The following SDAD1 variants were observed in gnomAD, a reference collection of about 807,000 sequenced individuals.
SDAD1 encodes the protein SDA1 domain containing 1.
SDAD1 carries 79 observed loss-of-function variants against 100.3 expected under a neutral mutation model. The ratio of observed to expected loss-of-function variants is 0.79; its 90% CI spans 0.66 to 0.95. The LOEUF (loss-of-function observed/expected upper bound fraction) is 0.95. Ranked by LOEUF, SDAD1 falls within the 40% of genes least tolerant of loss-of-function variation. SDAD1 has a pLI of 0.00. For synonymous variants in SDAD1, 267 were observed against 271.4 expected (o/e 0.98, Z 0.16); for missense variants, 790 against 810.9 (o/e 0.97, Z 0.31).
chr4:75,981,860 T>G, intron 2 of SDAD1, 73 bp downstream of exon 2: 1 of 1,047,228 alleles, frequency 9.5e-7, no homozygotes, highest in Non-Finnish European at 1.4e-6. Flanking sequence ...GGAATAAGGT[T>G]GAGTATTAGT....
At chr4:75,984,613 T>C (rs1396725200) in intron 1 of SDAD1, among the ~76,000 whole-genome samples, 2 of 152,164 alleles carry the variant, frequency 1.3e-5, no homozygotes, top group Admixed American at 1.3e-4. Context: ...AAGCTCCTTA[T>C]GCACATCAAC....
chr4:75,983,032 G>A (rs890138892), intron 1 of SDAD1, among the ~76,000 whole-genome samples: 1 of 151,914 alleles, frequency 6.6e-6, no homozygotes, highest in African/African-American at 2.4e-5. Flanking sequence ...TTATGAGTGA[G>A]AACATGCGGT....
chr4:75,964,084 A>G (rs1186174236), intron 14 of SDAD1, 51 bp downstream of exon 14: 2 of 1,192,822 alleles, frequency 1.7e-6, no homozygotes, highest in South Asian at 2.5e-5. Context: ...CTTATAGCAA[A>G]TCTAGTCCAT....
At chr4:75,988,511 A>G (rs1042749669) in intron 1 of SDAD1, among the ~76,000 whole-genome samples, 1 of 152,056 alleles carries the variant, frequency 6.6e-6, no homozygotes, top group Non-Finnish European at 1.5e-5. Context: ...TGCAATACCC[A>G]TCTCACCCCC....
At chr4:75,957,250 G>A (rs1728948521) in intron 20 of SDAD1, 75 bp downstream of exon 20, 2 of 1,222,618 alleles carry the variant, frequency 1.6e-6, no homozygotes, top group Non-Finnish European at 2.4e-6. Flanking sequence ...CCATTCTGTG[G>A]CTATACAAGT....
chr4:75,985,651 C>T (rs1730846729), intron 1 of SDAD1, among the ~76,000 whole-genome samples: 2 of 152,152 alleles, frequency 1.3e-5, no homozygotes, highest in Admixed American at 1.3e-4. Context: ...GGAGGGTCTT[C>T]CCAATACTCT....
chr4:75,967,374 C>CA (rs756645854), intron 11 of SDAD1, 40 bp from the exon 12 acceptor site: 1 of 1,552,444 alleles, frequency 6.4e-7, no homozygotes, highest in Non-Finnish European at 8.9e-7. Flanking sequence ...ATGCAGCTGA[C>CA]ACTATGGAGT....
At chr4:75,974,240 A>T (rs780923749) in intron 6 of SDAD1, 107 bp from the exon 7 acceptor site, 55 of 867,356 alleles carry the variant, frequency 6.3e-5, no homozygotes, top group Non-Finnish European at 9.6e-5. Flanking sequence ...GTGACGTACT[A>T]GAATTCCCAG....
In SDAD1 at chr4:75,981,354, T is replaced by C. The variant is rs1317927516; in HGVS notation, c.294+18A>G. 4 of 1,611,820 alleles carry C rather than the reference T, an allele frequency of 2.5e-6. No individual in the cohort carries two copies. The highest frequency in any genetic ancestry group is 3.4e-6 in the Non-Finnish European group (4 of 1,178,088). The stretch of plus-strand genomic sequence containing the variant: ...ACATGAACACAGCACAATTTATTCA[T>C]CCAACTACTGGTCCTACCATTCGCA... On this transcript the variant is annotated intron_variant, in intron 3 of 21. Transcript: ENST00000356260.
chr4:75,965,695 C>T (rs2149316343), intron 13 of SDAD1, 69 bp downstream of exon 13: 1 of 1,303,400 alleles, frequency 7.7e-7, no homozygotes, highest in Non-Finnish European at 1.1e-6. Context: ...CCCCGATAGA[C>T]CCTGAAGTAC....
intron 21 of SDAD1, among the ~76,000 whole-genome samples, chr4:75,954,732 CT>C (rs764525266): frequency 1.3e-5 from 2 of 152,214 alleles, no homozygotes; most frequent in East Asian, 3.9e-4. Context: ...ACATGATGTG[CT>C]TCCCCCTGCA....
intron 13 of SDAD1, among the ~76,000 whole-genome samples, chr4:75,965,232 C>T (rs912104085): frequency 6.6e-6 from 1 of 152,082 alleles, no homozygotes; most frequent in Non-Finnish European, 1.5e-5. Flanking sequence ...TGAAATAAGC[C>T]CCGGTCTCCC....
intron 8 of SDAD1, 66 bp downstream of exon 8, chr4:75,973,251 C>A: frequency 7.5e-7 from 1 of 1,325,534 alleles, no homozygotes; most frequent in Non-Finnish European, 1.1e-6. Flanking sequence ...CAGTCATAGA[C>A]TTTACAATGT....
rs570479713 is a variant in SDAD1, at chr4:75,967,321, T to C, written c.1001A>G (p.Asn334Ser). The change falls in exon 12 of 22, where the codon AAT becomes AGT. Residue 334 changes from asparagine to serine, a missense_variant. Physicochemically the swap from Asn to Ser is conservative, Grantham distance 46. Transcript: ENST00000356260. ...AAACCTTTGCAAAAAGGGATAGAAA[T>C]TGAAGAGGAAAAGCTGTGGAGAGAA... ...LVGIHELFLF[N>S]FYPFLQRFLQ... 6.5e-5 allele frequency: 105 copies of C among 1,613,998 alleles called. 1 individual carries two copies. In the Middle Eastern group the frequency reaches 2.5e-3, roughly 38 times the overall value.
intron 14 of SDAD1, among the ~76,000 whole-genome samples, chr4:75,962,074 G>T (rs1431577508): frequency 6.6e-6 from 1 of 152,110 alleles, no homozygotes; most frequent in Non-Finnish European, 1.5e-5. Context: ...ACAGGCCCCG[G>T]TGTGTGATGT....
At position 75,973,372 on chromosome 4, in the gene SDAD1, G is replaced by A; in HGVS notation, c.656C>T (p.Thr219Ile). The change falls in exon 8 of 22, where the codon ACA becomes ATA. Residue 219 changes from threonine (T) to isoleucine (I), a missense_variant. Physicochemically the swap from Thr to Ile is moderately conservative, Grantham distance 89. Transcript: ENST00000356260. ...KVTKILVAAL[T>I]FFLGKDEDEK... ...ATCTTCATCTTTCCCAAGAAAGAATGTCAAAGCGGCAACTAATATCTAAAC... is the reference window on the plus strand; with the variant it reads ...ATCTTCATCTTTCCCAAGAAAGAATATCAAAGCGGCAACTAATATCTAAAC... 6 of 1,613,414 alleles carry A rather than the reference G, an allele frequency of 3.7e-6. No homozygotes were observed. Among genetic ancestry groups the A allele is most frequent in the Non-Finnish European group, 5.1e-6 (6 of 1,179,588 alleles).
chr4:75,955,994 C>T lies in SDAD1; in HGVS notation c.1997G>A (p.Arg666His), dbSNP rs141894098. Residue 666 changes from arginine (R) to histidine (H), a missense_variant, in exon 21 of 22, where the codon CGT (arginine) becomes CAT (histidine). Arg to His is a conservative substitution (Grantham distance 29, BLOSUM62 0). Transcript: ENST00000356260. ...YSQNVRSKNK[R>H]SFREKQLALR... ...ACTCACCTGTTTTTCTCGGAAGGAACGCTTATTTTTTGACCGGACATTCTG... is the reference window on the plus strand; with the variant it reads ...ACTCACCTGTTTTTCTCGGAAGGAATGCTTATTTTTTGACCGGACATTCTG... 709 of 1,599,934 alleles carry T rather than the reference C, an allele frequency of 4.4e-4. 4 individuals carry two copies. The highest frequency in any genetic ancestry group is 2.1e-3 in the South Asian group (183 of 87,534).
At chr4:75,952,425 C>T (rs995162735) in intron 21 of SDAD1, among the ~76,000 whole-genome samples, 2 of 152,146 alleles carry the variant, frequency 1.3e-5, no homozygotes, top group Non-Finnish European at 2.9e-5. Context: ...ACAGGTATAT[C>T]CCCCTTTTCT....
At chr4:75,957,733 T>C (rs766210619) in intron 18 of SDAD1, 25 bp from the exon 19 acceptor site, 5 of 1,613,826 alleles carry the variant, frequency 3.1e-6, no homozygotes, top group Non-Finnish European at 4.2e-6. Flanking sequence ...AGGGCTTAAA[T>C]GGCTACCAGC....
Sources: gnomAD v4.1 joint callset for allele counts (sites outside exome capture counted in the v4.1 genomes callset) on GRCh38, gnomAD v4.1.1 for gene constraint, MANE v1.5 for transcripts, NCBI Gene and HGNC (gene_info 2026-07-23, HGNC 2026-07-21) for gene names.